The following TENT5D variants were observed in gnomAD, a reference collection of about 807,000 sequenced individuals.
TENT5D encodes the protein cancer/testis antigen 112.
For missense variants in TENT5D, 191 were observed against 287.0 expected (o/e 0.67, Z 2.42); for synonymous variants, 103 against 100.6 (o/e 1.02, Z -0.15).
intron 1 of TENT5D, among the ~76,000 whole-genome samples, chrX:80,423,451 G>T (rs956461455): frequency 9.0e-6 from 1 of 111,468 alleles, no homozygotes. Flanking sequence ...ATGAGGCCGG[G>T]GTTCAGGGTT....
intron 3 of TENT5D, among the ~76,000 whole-genome samples, chrX:80,363,855 T>C (rs1930455305): frequency 8.9e-6 from 1 of 112,564 alleles, no homozygotes; most frequent in Non-Finnish European, 1.9e-5. Context: ...TGCGGTGTGA[T>C]GTTTTGATAC....
chrX:80,429,578 C>T (rs970906096), intron 1 of TENT5D, among the ~76,000 whole-genome samples: 2 of 110,725 alleles, frequency 1.8e-5, no homozygotes, highest in African/African-American at 3.3e-5. Context: ...GCTGGGATTA[C>T]AGGCGTGAGC....
At chrX:80,373,011 A>G (rs1270577411) in intron 3 of TENT5D, among the ~76,000 whole-genome samples, 1 of 109,795 alleles carries the variant, frequency 9.1e-6, no homozygotes, top group Non-Finnish European at 1.9e-5. Flanking sequence ...CTTTTTGCCT[A>G]TATCTTAATC....
chrX:80,416,930 A>G (rs768228877), upstream of TENT5D, among the ~76,000 whole-genome samples: 1 of 111,201 alleles, frequency 9.0e-6, no homozygotes, highest in Non-Finnish European at 1.9e-5. Flanking sequence ...TTGTGTGGTT[A>G]TCTAAGTATC....
At chrX:80,387,141 T>A (rs1165323372) in intron 3 of TENT5D, among the ~76,000 whole-genome samples, 2 of 112,223 alleles carry the variant, frequency 1.8e-5, no homozygotes, top group East Asian at 5.6e-4. Context: ...GTATCGAAGT[T>A]CCCAGATGAA....
intron 3 of TENT5D, among the ~76,000 whole-genome samples, chrX:80,408,652 C>A (rs1384704298): frequency 9.0e-6 from 1 of 110,587 alleles, no homozygotes; most frequent in Non-Finnish European, 1.9e-5. Flanking sequence ...GATTCACAGC[C>A]GAATTCTACC....
intron 3 of TENT5D, among the ~76,000 whole-genome samples, chrX:80,369,690 T>C (rs1017703329): frequency 8.9e-6 from 1 of 111,929 alleles, no homozygotes; most frequent in African/African-American, 3.2e-5. Context: ...TCCATACTTA[T>C]AGGTTCCCCA....
chrX:80,419,603 C>T (rs1435232376), upstream of TENT5D, among the ~76,000 whole-genome samples: 2 of 112,582 alleles, frequency 1.8e-5, no homozygotes, highest in East Asian at 2.8e-4. Context: ...ATAAATTGGA[C>T]ATACTGTAAC....
intron 2 of TENT5D, among the ~76,000 whole-genome samples, chrX:80,341,076 T>A (rs1208868872): frequency 8.9e-6 from 1 of 111,739 alleles, no homozygotes; most frequent in Admixed American, 9.5e-5. Flanking sequence ...TACTTTGAAG[T>A]CATTGTAAAA....
intron 3 of TENT5D, among the ~76,000 whole-genome samples, chrX:80,354,526 C>A (rs1243633822): frequency 8.9e-6 from 1 of 111,947 alleles, no homozygotes; most frequent in Non-Finnish European, 1.9e-5. Context: ...GTGATTTTTT[C>A]TTTTCCAGAA....
intron 2 of TENT5D, among the ~76,000 whole-genome samples, chrX:80,341,662 A>T: frequency 9.1e-6 from 1 of 109,438 alleles, no homozygotes; most frequent in Non-Finnish European, 1.9e-5. Context: ...AATTGTAAAA[A>T]CCATTGTTTG....
intron 3 of TENT5D, among the ~76,000 whole-genome samples, chrX:80,399,543 C>T (rs1458250184): frequency 9.0e-6 from 1 of 111,651 alleles, no homozygotes; most frequent in Non-Finnish European, 1.9e-5. Flanking sequence ...CCGATAGACA[C>T]AATCTGAATG....
intron 3 of TENT5D, among the ~76,000 whole-genome samples, chrX:80,355,146 C>T (rs1367403110): frequency 1.8e-5 from 2 of 112,132 alleles, no homozygotes; most frequent in African/African-American, 6.5e-5. Flanking sequence ...CTGGCAAATT[C>T]TACTGGCAGA....
intron 3 of TENT5D, among the ~76,000 whole-genome samples, chrX:80,383,144 CT>C (rs964931543): frequency 2.7e-5 from 3 of 112,570 alleles, no homozygotes; most frequent in Non-Finnish European, 5.6e-5. Flanking sequence ...CAAGGTAGTA[CT>C]TTTAAATTTG....
At chrX:80,368,568 T>G (rs1213106256) in intron 3 of TENT5D, among the ~76,000 whole-genome samples, 1 of 111,926 alleles carries the variant, frequency 8.9e-6, no homozygotes, top group Non-Finnish European at 1.9e-5. Context: ...GTCAATTGAT[T>G]TAAATTTTAT....
intron 1 of TENT5D, among the ~76,000 whole-genome samples, chrX:80,437,989 C>A (rs1363650472): frequency 9.0e-6 from 1 of 111,532 alleles, no homozygotes; most frequent in Non-Finnish European, 1.9e-5. Flanking sequence ...TAATGTCCAG[C>A]TCAGAAAACA....
At chrX:80,358,777 A>G (rs1930342524) in intron 3 of TENT5D, among the ~76,000 whole-genome samples, 1 of 112,107 alleles carries the variant, frequency 8.9e-6, no homozygotes, top group Admixed American at 9.5e-5. Context: ...GTTACTATGC[A>G]GTTGTAGAAA....
intron 3 of TENT5D, among the ~76,000 whole-genome samples, chrX:80,360,313 T>G (rs1276483500): frequency 8.9e-6 from 1 of 112,086 alleles, no homozygotes; most frequent in Non-Finnish European, 1.9e-5. Context: ...ATAACTAACT[T>G]TTTTTGGATG....
At chrX:80,445,233 G>T (rs1353273931) in exon 3 of TENT5D, 1 of 122,614 alleles carries the variant, frequency 8.2e-6, no homozygotes, top group Non-Finnish European at 1.9e-5. Context: ...ACAGAACCCT[G>T]AGGCTTTAAA....
Sources: allele counts gnomAD v4.1 joint callset (sites outside exome capture counted in the v4.1 genomes callset), GRCh38; gene constraint gnomAD v4.1.1; transcripts MANE v1.5; gene names NCBI Gene and HGNC (gene_info 2026-07-23, HGNC 2026-07-21).